The following SRGAP1 variants were observed in gnomAD, a reference collection of about 807,000 sequenced individuals.
SRGAP1 encodes SLIT-ROBO Rho GTPase activating protein 1.
Under a neutral mutation model 121.9 loss-of-function variants are expected in SRGAP1, and 43 were observed. The observed-to-expected ratio is 0.35, with a 90% CI of 0.28 to 0.46. SRGAP1 has a LOEUF of 0.46. SRGAP1 is among the 20% of genes least tolerant of loss of function. SRGAP1 has a pLI of 1.00. For missense variants in SRGAP1, 1,102 were observed against 1,350.9 expected (o/e 0.82, Z 2.89); for synonymous variants, 447 against 485.4 (o/e 0.92, Z 1.04).
intron 11 of SRGAP1, among the ~76,000 whole-genome samples, chr12:64,090,619 C>A (rs1001665833): frequency 2.6e-5 from 4 of 152,154 alleles, no homozygotes; most frequent in Admixed American, 6.5e-5. Context: ...GTGGAAGGAT[C>A]TTTTGAGCCC....
intron 1 of SRGAP1, among the ~76,000 whole-genome samples, chr12:63,883,274 C>G (rs1900254715): frequency 6.6e-6 from 1 of 152,194 alleles, no homozygotes; most frequent in Admixed American, 6.5e-5. Context: ...GTTGGTCCTG[C>G]CCTTTGTCCA....
chr12:64,069,620 C>T (rs1049914084), intron 8 of SRGAP1, among the ~76,000 whole-genome samples: 2 of 152,132 alleles, frequency 1.3e-5, no homozygotes, highest in African/African-American at 4.8e-5. Flanking sequence ...GATTACTTAA[C>T]TGTTTATTAA....
chr12:64,117,510 G>A (rs1282627453), intron 18 of SRGAP1, among the ~76,000 whole-genome samples: 1 of 152,180 alleles, frequency 6.6e-6, no homozygotes, highest in Non-Finnish European at 1.5e-5. Flanking sequence ...TAATTTTAAA[G>A]TAGTTAAATT....
chr12:64,130,699 C>T (rs1461744897), intron 21 of SRGAP1, among the ~76,000 whole-genome samples: 1 of 152,176 alleles, frequency 6.6e-6, no homozygotes, highest in Non-Finnish European at 1.5e-5. Flanking sequence ...AGCATGAGCC[C>T]ACTGCCACTC....
intron 5 of SRGAP1, 60 bp downstream of exon 5, chr12:64,043,032 C>T (rs923199467): frequency 2.6e-6 from 3 of 1,140,350 alleles, no homozygotes; most frequent in South Asian, 2.8e-5. Context: ...ACTAAGAACA[C>T]TGATGCAATA....
At chr12:63,982,187 G>A (rs1404524115) in intron 1 of SRGAP1, among the ~76,000 whole-genome samples, 1 of 151,410 alleles carries the variant, frequency 6.6e-6, no homozygotes, top group Non-Finnish European at 1.5e-5. Flanking sequence ...CTCCAGCCTG[G>A]GAGACAGAGC....
chr12:63,999,587 A>C (rs1416345113), intron 3 of SRGAP1, among the ~76,000 whole-genome samples: 2 of 152,148 alleles, frequency 1.3e-5, no homozygotes, highest in African/African-American at 4.8e-5. Context: ...GGGAGCAGTC[A>C]GAGGTGACAC....
chr12:64,120,952 G>A (rs552600369), intron 18 of SRGAP1, among the ~76,000 whole-genome samples: 1 of 151,148 alleles, frequency 6.6e-6, no homozygotes, highest in South Asian at 2.1e-4. Context: ...CTAGCAGGAG[G>A]GTAATTAAGG....
chr12:64,144,281 C>G lies in SRGAP1; in HGVS notation c.*1609C>G, dbSNP rs962377793. On this transcript the variant is annotated 3_prime_UTR_variant, in exon 22 of 22. Coordinates refer to ENST00000355086, the MANE Select transcript of SRGAP1 (RefSeq NM_020762.4). ...GAGAAATGGATTTCCCACAACTAAT[C>G]CCTCTGGCCCACCATTAATTTCCTT... 3.3e-5 allele frequency: 4 copies of G among 122,354 alleles called. No individual in the cohort carries two copies. The highest frequency in any genetic ancestry group is 1.2e-4 in the African/African-American group (4 of 33,178). 7.6% of individuals were successfully genotyped at this position (122,354 alleles called of 1,614,324 possible). A position where few individuals can be genotyped will look rare whatever the true frequency, so the allele number is the denominator to read the frequency against.
intron 8 of SRGAP1, among the ~76,000 whole-genome samples, chr12:64,075,213 T>G (rs555032861): frequency 2.6e-4 from 40 of 152,306 alleles, no homozygotes; most frequent in African/African-American, 9.6e-4. Flanking sequence ...TTCGATTAAC[T>G]AAAAGTATCC....
intron 1 of SRGAP1, among the ~76,000 whole-genome samples, chr12:63,857,062 C>T (rs575773736): frequency 5.8e-4 from 86 of 148,580 alleles, no homozygotes; most frequent in African/African-American, 2.1e-3. Context: ...TTTCTACTTT[C>T]TATTATGCAG....
chr12:63,848,031 AG>A (rs2136250222), intron 1 of SRGAP1, among the ~76,000 whole-genome samples: 1 of 151,102 alleles, frequency 6.6e-6, no homozygotes, highest in African/African-American at 2.4e-5. Flanking sequence ...ATATAAAAGG[AG>A]TATCGGTCTG....
intron 1 of SRGAP1, among the ~76,000 whole-genome samples, chr12:63,909,445 A>G (rs2030387013): frequency 6.6e-6 from 1 of 152,156 alleles, no homozygotes; most frequent in South Asian, 2.1e-4. Context: ...TATACTTTGC[A>G]TTCTGGCATT....
At chr12:63,888,123 C>G (rs540764354) in intron 1 of SRGAP1, 14 of 152,310 alleles carry the variant, frequency 9.2e-5, no homozygotes, top group Admixed American at 9.2e-4. Flanking sequence ...CAGCATCTGT[C>G]GGTTTCCTCC....
chr12:64,142,818 G>C lies in SRGAP1; in HGVS notation c.*146G>C, dbSNP rs576728747. On this transcript the variant is annotated 3_prime_UTR_variant, in exon 22 of 22. Coordinates refer to ENST00000355086, the MANE Select transcript of SRGAP1 (RefSeq NM_020762.4). ...TTCTATGTTGTCGAATGTAATGTCT[G>C]AGACTAGCTAAATTAACACGGGCAT... The C allele has an allele frequency of 2.0e-5, 22 of 1,094,196 alleles. No individual in the cohort carries two copies. The Admixed American group carries it at 6.0e-4, about 30-fold the overall frequency. 67.8% of individuals were successfully genotyped at this position (1,094,196 alleles called of 1,614,324 possible).
chr12:63,869,058 T>G (rs1899761082), intron 1 of SRGAP1, among the ~76,000 whole-genome samples: 1 of 152,206 alleles, frequency 6.6e-6, no homozygotes, highest in Non-Finnish European at 1.5e-5. Context: ...TCCTCTCATT[T>G]GCTTCCAGAT....
intron 7 of SRGAP1, among the ~76,000 whole-genome samples, chr12:64,063,842 A>G (rs1050447627): frequency 6.6e-6 from 1 of 152,090 alleles, no homozygotes; most frequent in African/African-American, 2.4e-5. Context: ...CTGTTTTTCC[A>G]AATGTAATTA....
intron 4 of SRGAP1, among the ~76,000 whole-genome samples, chr12:64,017,461 C>A (rs895838952): frequency 1.3e-5 from 2 of 151,976 alleles, no homozygotes; most frequent in Admixed American, 1.3e-4. Flanking sequence ...TTGAGACCAG[C>A]CTGGCCAATG....
chr12:63,903,547 G>GT (rs1378425676), intron 1 of SRGAP1, among the ~76,000 whole-genome samples: 3 of 149,414 alleles, frequency 2.0e-5, no homozygotes, highest in Non-Finnish European at 4.5e-5. Flanking sequence ...CGCCCAGCCT[G>GT]TTTTTTTGTT....
Sources: allele counts gnomAD v4.1 joint callset (sites outside exome capture counted in the v4.1 genomes callset), GRCh38; gene constraint gnomAD v4.1.1; transcripts MANE v1.5; gene names NCBI Gene and HGNC (gene_info 2026-07-23, HGNC 2026-07-21).